PPP3CC: variants seen among roughly 807,000 people sequenced by gnomAD.
PPP3CC encodes the protein serine/threonine-protein phosphatase 2B catalytic subunit gamma isoform.
PPP3CC carries 35 observed loss-of-function variants against 60.3 expected under a neutral mutation model. The ratio of observed to expected loss-of-function variants is 0.58; its 90% CI spans 0.44 to 0.77. The LOEUF (loss-of-function observed/expected upper bound fraction) is 0.77. PPP3CC is among the 30% of genes least tolerant of loss of function. The pLI is 0.00. For synonymous variants in PPP3CC, 206 were observed against 224.3 expected, an observed-to-expected ratio of 0.92 and a Z score of 0.73; for missense variants, 570 against 628.9, an observed-to-expected ratio of 0.91 and a Z score of 1.00.
chr8:22,515,811 G>A (rs185493176), intron 6 of PPP3CC, among the ~76,000 whole-genome samples: 3 of 152,058 alleles, frequency 2.0e-5, no homozygotes, highest in Admixed American at 2.0e-4. Context: ...TTTTAAATTG[G>A]ATTATTGGAT....
At chr8:22,450,541 A>C (rs973537935) in intron 1 of PPP3CC, among the ~76,000 whole-genome samples, 1 of 152,086 alleles carries the variant, frequency 6.6e-6, no homozygotes, top group Non-Finnish European at 1.5e-5. Context: ...CATATCCTCT[A>C]CTTCATCCTA....
intron 1 of PPP3CC, among the ~76,000 whole-genome samples, chr8:22,457,064 T>TTC (rs1414356908): frequency 1.9e-5 from 2 of 104,838 alleles, no homozygotes; most frequent in Non-Finnish European, 3.8e-5. Context: ...CCTCCCTCCC[T>TTC]CCCTCCCTCC....
intron 1 of PPP3CC, among the ~76,000 whole-genome samples, chr8:22,460,246 T>C (rs545288267): frequency 6.6e-6 from 1 of 152,294 alleles, no homozygotes; most frequent in African/African-American, 2.4e-5. Context: ...AAAGATAGGA[T>C]AGTTTGAAAG....
chr8:22,483,518 C>G (rs540424827), intron 3 of PPP3CC, among the ~76,000 whole-genome samples: 41 of 152,298 alleles, frequency 2.7e-4, no homozygotes, highest in Middle Eastern at 3.4e-3. Context: ...GATCTCCTGA[C>G]CTTGTGATCT....
intron 4 of PPP3CC, among the ~76,000 whole-genome samples, chr8:22,503,554 A>T (rs1838823504): frequency 6.6e-6 from 1 of 152,006 alleles, no homozygotes; most frequent in South Asian, 2.1e-4. Context: ...TTATGGGTAT[A>T]TAGTAGGTGT....
intron 6 of PPP3CC, among the ~76,000 whole-genome samples, chr8:22,514,345 G>A (rs2461488): frequency 0.55 from 83,654 of 150,994 alleles, 24,460 homozygotes; most frequent in African/African-American, 0.76. Flanking sequence ...TAATACATAT[G>A]TTTATTTCCC....
intron 10 of PPP3CC, chr8:22,531,298 G>A (rs1233674386): frequency 6.5e-7 from 1 of 1,530,422 alleles, no homozygotes; most frequent in African/African-American, 1.4e-5. Flanking sequence ...TCTTCTCCCT[G>A]AAGATCACTA....
intron 1 of PPP3CC, among the ~76,000 whole-genome samples, chr8:22,467,259 A>G (rs990689864): frequency 1.3e-4 from 20 of 152,194 alleles, no homozygotes; most frequent in African/African-American, 4.6e-4. Flanking sequence ...TTTGCCATCA[A>G]AATTTTTACT....
At chr8:22,522,787 A>C (rs1040279008) in intron 8 of PPP3CC, 38 bp downstream of exon 8, 1 of 1,375,976 alleles carries the variant, frequency 7.3e-7, no homozygotes, top group African/African-American at 1.4e-5. Flanking sequence ...TGAATTTATG[A>C]GTAAACGTGA....
chr8:22,519,864 C>T (rs1839357553), intron 6 of PPP3CC, among the ~76,000 whole-genome samples: 1 of 152,136 alleles, frequency 6.6e-6, no homozygotes, highest in Non-Finnish European at 1.5e-5. Flanking sequence ...CCATGTTGGC[C>T]AGGCTGGTCT....
At chr8:22,442,295 G>A (rs187313147) in intron 1 of PPP3CC, among the ~76,000 whole-genome samples, 48 of 152,308 alleles carry the variant, frequency 3.2e-4, no homozygotes, top group Admixed American at 1.0e-3. Flanking sequence ...GCGCTATTTT[G>A]TAAGAAGGGA....
At chr8:22,475,315 A>T (rs965638818) in intron 2 of PPP3CC, among the ~76,000 whole-genome samples, 164 bp downstream of exon 2, 61 of 152,244 alleles carry the variant, frequency 4.0e-4, no homozygotes, top group African/African-American at 1.4e-3. Context: ...GAAGAAATAC[A>T]ATTTTAAGTG....
At chr8:22,485,416 A>G (rs1303541748) in intron 3 of PPP3CC, among the ~76,000 whole-genome samples, 1 of 152,192 alleles carries the variant, frequency 6.6e-6, no homozygotes, top group Non-Finnish European at 1.5e-5. Flanking sequence ...CTTCCTTAAT[A>G]GGAGATCCCT....
rs1839895966 is a variant in PPP3CC at position 22,538,636 on chromosome 8, T to G, written c.1322-833T>G. On this transcript the variant is annotated intron_variant, in intron 12 of 13. Transcript: ENST00000240139. ...TAATAGGATCTTTCTTGTGGCACCCTGTACCTTTTCATATATTAGCGTTTT... is the reference window on the plus strand; with the variant it reads ...TAATAGGATCTTTCTTGTGGCACCCGGTACCTTTTCATATATTAGCGTTTT... Among the ~76,000 whole-genome samples, 3 of 152,232 alleles carry G rather than the reference T, an allele frequency of 2.0e-5. No individual in the cohort carries two copies. In the South Asian group the frequency reaches 6.2e-4, roughly 32 times the overall value.
intron 12 of PPP3CC, among the ~76,000 whole-genome samples, chr8:22,534,842 C>A (rs771140088): frequency 6.6e-6 from 1 of 152,170 alleles, no homozygotes; most frequent in Non-Finnish European, 1.5e-5. Context: ...ATAGACATTA[C>A]AGAAAACTGC....
intron 1 of PPP3CC, among the ~76,000 whole-genome samples, chr8:22,444,634 A>G (rs1388159306): frequency 6.6e-6 from 1 of 152,162 alleles, no homozygotes; most frequent in Non-Finnish European, 1.5e-5. Context: ...TGTTTATTTT[A>G]TGTTTAAACC....
At chr8:22,498,253 G>T (rs1838648913) in intron 4 of PPP3CC, 141 bp downstream of exon 4, 2 of 506,590 alleles carry the variant, frequency 3.9e-6, no homozygotes, top group East Asian at 3.2e-5. Flanking sequence ...AAAGAACTAA[G>T]ATTCTATCTT....
At chr8:22,496,547 G>T (rs1388532610) in intron 3 of PPP3CC, among the ~76,000 whole-genome samples, 1 of 126,486 alleles carries the variant, frequency 7.9e-6, no homozygotes, top group East Asian at 2.5e-4. Context: ...ACCCAGGCTG[G>T]AGTGCAGCGG....
intron 1 of PPP3CC, among the ~76,000 whole-genome samples, chr8:22,473,063 G>A (rs897985509): frequency 2.6e-5 from 4 of 152,162 alleles, no homozygotes; most frequent in African/African-American, 7.2e-5. Flanking sequence ...TAGTTAAAAT[G>A]AGTCAAGTAG....
Sources: gnomAD v4.1 joint callset for allele counts (sites outside exome capture counted in the v4.1 genomes callset) on GRCh38, gnomAD v4.1.1 for gene constraint, MANE v1.5 for transcripts, NCBI Gene and HGNC (gene_info 2026-07-23, HGNC 2026-07-21) for gene names.